Variants in SFTPD observed in about 807,000 individuals in gnomAD.
SFTPD encodes pulmonary surfactant-associated protein D.
SFTPD carries 18 observed loss-of-function variants against 34.6 expected under a neutral mutation model. The observed-to-expected ratio is 0.52, with a 90% CI of 0.36 to 0.77. SFTPD has a LOEUF of 0.77. Ranked by LOEUF, SFTPD falls within the 30% of genes least tolerant of loss-of-function variation. The pLI, the probability that SFTPD is intolerant of heterozygous loss-of-function variation, is 0.00. For missense variants in SFTPD, 433 were observed against 468.9 expected (o/e 0.92, Z 0.71); for synonymous variants, 155 against 180.9 (o/e 0.86, Z 1.15).
At chr10:79,962,063 C>A (rs1396296154) in intron 1 of SFTPD, among the ~76,000 whole-genome samples, 8 of 142,926 alleles carry the variant, frequency 5.6e-5, no homozygotes, top group African/African-American at 1.6e-4. Flanking sequence ...CCAAACACCA[C>A]ATGTTCTCAC....
chr10:79,959,531 G>A (rs28795071), intron 1 of SFTPD, among the ~76,000 whole-genome samples: 101,262 of 151,920 alleles, frequency 0.67, 34,796 homozygotes, highest in African/African-American at 0.85. Flanking sequence ...ACACAAATAA[G>A]CTAGAAAATC....
At chr10:79,960,139 A>G (rs1213918252) in intron 1 of SFTPD, among the ~76,000 whole-genome samples, 2 of 151,064 alleles carry the variant, frequency 1.3e-5, no homozygotes, top group Non-Finnish European at 2.9e-5. Context: ...TTGATGGGAC[A>G]TATCTCAAAA....
chr10:79,956,956 C>T (rs1842743547), intron 1 of SFTPD, among the ~76,000 whole-genome samples: 1 of 151,896 alleles, frequency 6.6e-6, no homozygotes, highest in Non-Finnish European at 1.5e-5. Flanking sequence ...GACAAAACTT[C>T]CAGATGAACG....
upstream of SFTPD, among the ~76,000 whole-genome samples, chr10:79,949,467 T>G (rs957784648): frequency 7.2e-5 from 11 of 152,190 alleles, no homozygotes; most frequent in South Asian, 6.2e-4. Flanking sequence ...CTGCAGATCT[T>G]AAGAGCCAAG....
upstream of SFTPD, among the ~76,000 whole-genome samples, chr10:79,952,275 C>T (rs1842714623): frequency 6.6e-6 from 1 of 152,226 alleles, no homozygotes; most frequent in East Asian, 1.9e-4. Context: ...CAGCTGCCCC[C>T]AGGAGCCCTC....
upstream of SFTPD, among the ~76,000 whole-genome samples, chr10:79,952,292 CA>C (rs1366339204): frequency 6.6e-6 from 1 of 152,242 alleles, no homozygotes; most frequent in Non-Finnish European, 1.5e-5. Context: ...CCTCAAAAGC[CA>C]TCCCCAGGTG....
Position 79,940,716 on chromosome 10 carries a change from T to C in SFTPD, c.740A>G (p.Gln247Arg). 1.2e-6 allele frequency: 2 copies of C among 1,605,650 alleles called. No homozygotes were observed. The highest frequency in any genetic ancestry group is 1.7e-6 in the Non-Finnish European group (2 of 1,172,896). The change falls in exon 7 of 8, where the codon CAG becomes CGG. Residue 247 changes from glutamine to arginine, a missense_variant. By Grantham distance (43) the Gln-to-Arg change is conservative. Transcript: ENST00000372292. ...QVQHLQAAFS[Q>R]YKKVELFPNG... ...ATCCAGGAACTCACCTTTCTTATAC[T>C]GAGAGAAAGCAGCCTGGAGGTGCTG...
At chr10:79,967,238 C>A (rs1289315150) in intron 1 of SFTPD, among the ~76,000 whole-genome samples, 6 of 129,938 alleles carry the variant, frequency 4.6e-5, no homozygotes, top group African/African-American at 1.9e-4. Flanking sequence ...AGGAATCCAA[C>A]TTACAAGGGA....
rs1301432742 is a variant in SFTPD at position 79,942,026 on chromosome 10, C to T, written c.478G>A (p.Gly160Ser). The change falls in exon 5 of 8, where the codon GGC (glycine) becomes AGC (serine). Residue 160 changes from glycine to serine, a missense_variant. Gly to Ser is a moderately conservative substitution (Grantham distance 56). Coordinates refer to ENST00000372292, the MANE Select transcript of SFTPD (RefSeq NM_003019.5). ...CGCTCTCCCTTAGGGCCTGCGAGGC[C>T]TCTTGCCCCTGCCGAGCCCTGCATG... is the stretch of plus-strand genomic sequence containing the variant. The part of the protein sequence containing the change: ...PGMQGSAGAR[G>S]LAGPKGERGV... 6.2e-7 allele frequency: 1 copy of T among 1,614,048 alleles called. No homozygotes were observed.
At chr10:79,956,819 G>A (rs1351055892) in intron 1 of SFTPD, among the ~76,000 whole-genome samples, 9 of 152,186 alleles carry the variant, frequency 5.9e-5, no homozygotes, top group African/African-American at 1.9e-4. Context: ...CTCCCAGCAC[G>A]CAGCTGGAGA....
chr10:79,970,504 A>G (rs763620143), intron 1 of SFTPD: 2 of 152,136 alleles, frequency 1.3e-5, no homozygotes, highest in Non-Finnish European at 2.9e-5. Context: ...AACTGTGAAC[A>G]TGGGATATCT....
intron 6 of SFTPD, among the ~76,000 whole-genome samples, chr10:79,941,152 C>T (rs2132493328): frequency 6.6e-6 from 1 of 152,308 alleles, no homozygotes; most frequent in South Asian, 2.1e-4. Flanking sequence ...ATTGGGAAGG[C>T]AGTTGTAGTT....
At chr10:79,956,478 A>G (rs968852871) in intron 1 of SFTPD, among the ~76,000 whole-genome samples, 10 of 152,262 alleles carry the variant, frequency 6.6e-5, no homozygotes, top group African/African-American at 2.4e-4. Flanking sequence ...CAACAGGCTT[A>G]AAAAATGGCA....
intron 2 of SFTPD, among the ~76,000 whole-genome samples, chr10:79,944,785 C>T (rs1842649100): frequency 6.6e-6 from 1 of 152,066 alleles, no homozygotes; most frequent in South Asian, 2.1e-4. Context: ...CATATTTACC[C>T]TCCATGATAC....
chr10:79,940,603 T>G (rs1842600937), intron 7 of SFTPD, 102 bp downstream of exon 7: 1 of 731,510 alleles, frequency 1.4e-6, no homozygotes. Flanking sequence ...CTGCCTCAGG[T>G]CCAGCCAAAG....
chr10:79,956,738 A>G (rs1473179236), intron 1 of SFTPD, among the ~76,000 whole-genome samples: 3 of 152,206 alleles, frequency 2.0e-5, no homozygotes, highest in Non-Finnish European at 2.9e-5. Flanking sequence ...GGCACAGACA[A>G]ACAAAAAGAT....
In SFTPD at chr10:79,938,064, C is replaced by T; in HGVS notation, c.916G>A (p.Ala306Thr). ...ENAALQQLVVAKNEAAFLSMT... is the reference protein window; with the variant it reads ...ENAALQQLVVTKNEAAFLSMT... Reference sequence around the variant, plus strand: ...CTCAGGAAAGCAGCCTCGTTCTTAGCTACGACCAGCTGTTGCAAGGCGGCA... The same window carrying T: ...CTCAGGAAAGCAGCCTCGTTCTTAGTTACGACCAGCTGTTGCAAGGCGGCA... Residue 306 changes from alanine (A) to threonine (T), a missense_variant, in exon 8 of 8, where the codon GCT (alanine) becomes ACT (threonine). By Grantham distance (58) the Ala-to-Thr change is moderately conservative (BLOSUM62 0). Transcript: ENST00000372292. The T allele has an allele frequency of 6.2e-7, 1 of 1,614,172 alleles. No individual in the cohort carries two copies. The highest frequency in any genetic ancestry group is 1.1e-5 in the South Asian group (1 of 91,088).
intron 2 of SFTPD, among the ~76,000 whole-genome samples, chr10:79,944,361 A>G (rs1195935434): frequency 6.6e-6 from 1 of 152,214 alleles, no homozygotes. Flanking sequence ...AAAGTAAAGC[A>G]TAGGGTGTGT....
At chr10:79,944,622 T>C (rs1272422788) in intron 2 of SFTPD, among the ~76,000 whole-genome samples, 1 of 152,004 alleles carries the variant, frequency 6.6e-6, no homozygotes, top group Admixed American at 6.5e-5. Context: ...TACAGGGTGG[T>C]CCTGCCGGGA....
Sources: allele counts gnomAD v4.1 joint callset (sites outside exome capture counted in the v4.1 genomes callset), GRCh38; gene constraint gnomAD v4.1.1; transcripts MANE v1.5; gene names NCBI Gene and HGNC (gene_info 2026-07-23, HGNC 2026-07-21).